The following MMD variants were observed in gnomAD, a reference collection of about 807,000 sequenced individuals.
The protein encoded by MMD is monocyte to macrophage differentiation associated, also known as monocyte to macrophage differentiation factor.
MMD carries 22 observed loss-of-function variants against 33.6 expected under a neutral mutation model. That is an observed-to-expected ratio of 0.66 (90% CI 0.47 to 0.94). The LOEUF (loss-of-function observed/expected upper bound fraction) is 0.94, where lower values mean the gene tolerates loss of function less well. Among genes scored for constraint, MMD ranks in the 40% least tolerant of loss-of-function variants. MMD has a pLI of 0.00. For synonymous variants in MMD, 97 were observed against 103.2 expected (o/e 0.94, Z 0.36); for missense variants, 242 against 309.8 (o/e 0.78, Z 1.64).
At chr17:55,396,338 C>G (rs949381796) in intron 6 of MMD, among the ~76,000 whole-genome samples, 1 of 152,124 alleles carries the variant, frequency 6.6e-6, no homozygotes, top group African/African-American at 2.4e-5. Flanking sequence ...ACTTTTTTAT[C>G]CAGTCTGACA....
chr17:55,407,602 T>G, intron 4 of MMD, 144 bp downstream of exon 4: 1 of 650,762 alleles, frequency 1.5e-6, no homozygotes, highest in Non-Finnish European at 2.6e-6. Flanking sequence ...GGGAAAAAAA[T>G]GCATGCATGT....
chr17:55,409,875 A>C (rs564858300), intron 3 of MMD, among the ~76,000 whole-genome samples: 18 of 152,316 alleles, frequency 1.2e-4, no homozygotes, highest in Non-Finnish European at 2.1e-4. Flanking sequence ...CTTTGCATCT[A>C]AACTGGCCTC....
chr17:55,421,534 G>A, intron 1 of MMD, 136 bp downstream of exon 1: 1 of 1,265,154 alleles, frequency 7.9e-7, no homozygotes, highest in Non-Finnish European at 1.1e-6. Flanking sequence ...AATCCCCAGG[G>A]AACTGATCCC....
chr17:55,420,024 A>AGTT (rs561439587), intron 1 of MMD: 35 of 152,346 alleles, frequency 2.3e-4, no homozygotes, highest in African/African-American at 7.5e-4. Flanking sequence ...TCCTAAATGA[A>AGTT]GTTGTTGTTG....
Position 55,416,710 on chromosome 17 carries a change from C to T in MMD, c.27-2478G>A, listed in dbSNP as rs111828130. Among the ~76,000 whole-genome samples the T allele has an allele frequency of 3.8e-3, 577 of 152,270 alleles. 6 individuals carry two copies. Among genetic ancestry groups the T allele is most frequent in the African/African-American group, 0.012 (519 of 41,556 alleles). On this transcript the variant is annotated intron_variant, in intron 1 of 6. Coordinates refer to ENST00000262065, the MANE Select transcript of MMD (RefSeq NM_012329.3). ...AACTCCCACACTCTGGCCTTCATCTCTTCCCCGAAAAAAGAATGGGAAAGG... is the reference window on the plus strand; with the variant it reads ...AACTCCCACACTCTGGCCTTCATCTTTTCCCCGAAAAAAGAATGGGAAAGG...
intron 1 of MMD, among the ~76,000 whole-genome samples, chr17:55,415,421 G>A (rs1464397293): frequency 1.3e-5 from 2 of 152,182 alleles, no homozygotes; most frequent in African/African-American, 4.8e-5. Context: ...AATGGGGGTT[G>A]GGGGTTGGTA....
At chr17:55,419,687 C>A (rs369526732) in intron 1 of MMD, among the ~76,000 whole-genome samples, 1 of 152,158 alleles carries the variant, frequency 6.6e-6, no homozygotes, top group Admixed American at 6.5e-5. Context: ...GGCTTTATTT[C>A]CAAGTTAAAA....
At chr17:55,398,957 G>C (rs1219864236) in intron 6 of MMD, among the ~76,000 whole-genome samples, 1 of 152,192 alleles carries the variant, frequency 6.6e-6, no homozygotes, top group Non-Finnish European at 1.5e-5. Flanking sequence ...ACAACATTCA[G>C]CTTGATATCT....
intron 2 of MMD, among the ~76,000 whole-genome samples, chr17:55,413,367 A>T (rs1907836974): frequency 6.6e-6 from 1 of 152,180 alleles, no homozygotes; most frequent in Non-Finnish European, 1.5e-5. Flanking sequence ...TAAAGTAAAA[A>T]ATTTATAATG....
intron 1 of MMD, among the ~76,000 whole-genome samples, chr17:55,421,083 G>C (rs1207205080): frequency 6.6e-6 from 1 of 152,242 alleles, no homozygotes; most frequent in African/African-American, 2.4e-5. Flanking sequence ...TGGAGAACCA[G>C]CAAGGCCCCT....
At chr17:55,413,590 A>C (rs1907848630) in intron 2 of MMD, among the ~76,000 whole-genome samples, 1 of 152,154 alleles carries the variant, frequency 6.6e-6, no homozygotes, top group Non-Finnish European at 1.5e-5. Context: ...TATAATAAGC[A>C]TGTTTTGCTT....
chr17:55,408,723 G>A (rs1309392856), intron 3 of MMD, among the ~76,000 whole-genome samples: 1 of 152,148 alleles, frequency 6.6e-6, no homozygotes, highest in East Asian at 1.9e-4. Flanking sequence ...CATAAAGCCT[G>A]GGCATGGTGG....
chr17:55,404,739 A>G, intron 4 of MMD: 1 of 985,324 alleles, frequency 1.0e-6, no homozygotes, highest in Non-Finnish European at 1.2e-6. Context: ...AAAATGCTGC[A>G]AATTCATTTG....
intron 4 of MMD, 22 bp downstream of exon 4, chr17:55,407,724 A>G: frequency 1.3e-6 from 2 of 1,586,642 alleles, no homozygotes; most frequent in Non-Finnish European, 1.7e-6. Context: ...CTACCTTCGA[A>G]AATAGGAAGA....
intron 5 of MMD, among the ~76,000 whole-genome samples, chr17:55,402,700 T>G (rs995149540): frequency 4.6e-5 from 7 of 152,220 alleles, no homozygotes; most frequent in African/African-American, 1.7e-4. Flanking sequence ...AAAAGATAGT[T>G]GCCTTTCTTG....
intron 1 of MMD, among the ~76,000 whole-genome samples, chr17:55,418,629 G>A (rs902796031): frequency 6.6e-6 from 1 of 152,152 alleles, no homozygotes; most frequent in Non-Finnish European, 1.5e-5. Flanking sequence ...TTATGACTGA[G>A]CATATTTGTT....
chr17:55,413,506 C>T (rs1907845146), intron 2 of MMD, among the ~76,000 whole-genome samples: 1 of 151,964 alleles, frequency 6.6e-6, no homozygotes, highest in Non-Finnish European at 1.5e-5. Context: ...CAAAGAAATG[C>T]ACCGAAGTGT....
At chr17:55,411,845 G>A (rs1907777440) in intron 2 of MMD, among the ~76,000 whole-genome samples, 1 of 152,310 alleles carries the variant, frequency 6.6e-6, no homozygotes, top group South Asian at 2.1e-4. Context: ...GGGAGGCTGA[G>A]GCAGGAGAAT....
At chr17:55,407,848 T>C (rs1451822887) in intron 3 of MMD, 28 bp from the exon 4 acceptor site, 2 of 1,500,896 alleles carry the variant, frequency 1.3e-6, no homozygotes, top group Non-Finnish European at 1.8e-6. Context: ...AAAGTAAATT[T>C]GTCAGAAAGT....
Sources: gnomAD v4.1 joint callset for allele counts (sites outside exome capture counted in the v4.1 genomes callset) on GRCh38, gnomAD v4.1.1 for gene constraint, MANE v1.5 for transcripts, NCBI Gene and HGNC (gene_info 2026-07-23, HGNC 2026-07-21) for gene names.